SLC25A25: variants seen among roughly 807,000 people sequenced by gnomAD.
The protein encoded by SLC25A25 is mitochondrial adenyl nucleotide antiporter SLC25A25.
A neutral mutation model predicts 57.7 loss-of-function variants in SLC25A25; 32 were observed. That is an observed-to-expected ratio of 0.55 (90% CI 0.42 to 0.74). The LOEUF (loss-of-function observed/expected upper bound fraction) is 0.74. SLC25A25 is among the 30% of genes least tolerant of loss of function. The probability of loss-of-function intolerance (pLI) is 0.00; values close to 1 mark genes in which losing one functional copy is unlikely to be tolerated. For missense variants in SLC25A25, 556 were observed against 701.3 expected, an observed-to-expected ratio of 0.79 and a Z score of 2.34; for synonymous variants, 306 against 291.2, an observed-to-expected ratio of 1.05 and a Z score of -0.52.
chr9:128,107,499 T>C lies in SLC25A25; in HGVS notation c.*55T>C. The C allele has an allele frequency of 6.7e-7, 1 of 1,490,100 alleles. No homozygotes were observed. Among genetic ancestry groups the C allele is most frequent in the Non-Finnish European group, 8.9e-7 (1 of 1,118,204 alleles). The allele number at this position is 1,490,100 out of a possible 1,614,324, so 92.3% of individuals were successfully genotyped here. ...GCTGATCCTGGGCCGCAGCCTGGGG[T>C]GTGCAGCCATCTCATTCTGTGAATG... On this transcript the variant is annotated 3_prime_UTR_variant, in exon 11 of 11. Coordinates refer to ENST00000373069, the MANE Select transcript of SLC25A25 (RefSeq NM_001330988.2).
At position 128,098,847 on chromosome 9, in the gene SLC25A25, T is replaced by C. The variant is rs555810731; in HGVS notation, c.262-2249T>C. 2.3e-4 allele frequency: 353 copies of C among 1,510,966 alleles called. 2 individuals are homozygous for C. Among genetic ancestry groups the C allele is most frequent in the Middle Eastern group, 5.8e-4 (3 of 5,146 alleles). 93.6% of individuals were successfully genotyped at this position (1,510,966 alleles called of 1,614,324 possible). On this transcript the variant is annotated intron_variant, in intron 1 of 10. Transcript: ENST00000373069. ...AAGAATGTCTGAAATGTAGCAGTTTTTTCCCATTGCCATGCGGCTATGGCC... is the reference window on the plus strand; with the variant it reads ...AAGAATGTCTGAAATGTAGCAGTTTCTTCCCATTGCCATGCGGCTATGGCC...
At chr9:128,098,432 A>G in intron 1 of SLC25A25, 1 of 1,400,412 alleles carries the variant, frequency 7.1e-7, no homozygotes, top group East Asian at 2.7e-5. Flanking sequence ...TTTTCAATTA[A>G]GTAAAAGGGC....
intron 1 of SLC25A25, among the ~76,000 whole-genome samples, chr9:128,094,946 A>G (rs1236977336): frequency 1.3e-5 from 2 of 152,224 alleles, no homozygotes; most frequent in East Asian, 3.8e-4. Flanking sequence ...GCTGAAACAG[A>G]TGAGGGTCTG....
intron 1 of SLC25A25, among the ~76,000 whole-genome samples, chr9:128,077,585 A>G (rs1833047246): frequency 6.6e-6 from 1 of 151,756 alleles, no homozygotes; most frequent in Non-Finnish European, 1.5e-5. Flanking sequence ...TCCAGAATGG[A>G]GAAGTCTACA....
intron 1 of SLC25A25, among the ~76,000 whole-genome samples, chr9:128,077,594 CAG>C (rs952135578): frequency 6.6e-6 from 1 of 151,296 alleles, no homozygotes; most frequent in Non-Finnish European, 1.5e-5. Flanking sequence ...GAGAAGTCTA[CAG>C]AGACAGAAAA....
intron 1 of SLC25A25, among the ~76,000 whole-genome samples, chr9:128,074,876 C>G (rs1164261153): frequency 2.0e-5 from 3 of 152,000 alleles, no homozygotes; most frequent in African/African-American, 7.2e-5. Flanking sequence ...TGGGTCACAC[C>G]TGTAATCTCA....
At position 128,101,456 on chromosome 9, in the gene SLC25A25, C is replaced by T; in HGVS notation, c.476+60C>T. The T allele has an allele frequency of 6.4e-7, 1 of 1,570,694 alleles. No individual in the cohort carries two copies. On this transcript the variant is annotated intron_variant, in intron 3 of 10. Transcript: ENST00000373069. The surrounding 1 kb of genome is among the most constrained non-coding windows in gnomAD (Gnocchi z 4.9). ...GTGTGATGAAGGGAAGGCTCTGAGA[C>T]TAACCCTCCGATGCCATTCCCTGGG...
intron 1 of SLC25A25, among the ~76,000 whole-genome samples, chr9:128,087,488 T>A (rs1833304683): frequency 1.3e-5 from 2 of 152,230 alleles, no homozygotes; most frequent in Non-Finnish European, 2.9e-5. Context: ...CTTTTAAGAT[T>A]TCCTCTTTAT....
At chr9:128,079,409 C>CAAAAA (rs375501116) in intron 1 of SLC25A25, among the ~76,000 whole-genome samples, 1 of 59,800 alleles carries the variant, frequency 1.7e-5, no homozygotes, top group Admixed American at 1.9e-4. Flanking sequence ...CTGCTGATGC[C>CAAAAA]AAAAAAAAAA....
chr9:128,090,088 G>A (rs1018393156), intron 1 of SLC25A25, among the ~76,000 whole-genome samples: 2 of 151,884 alleles, frequency 1.3e-5, no homozygotes, highest in African/African-American at 2.4e-5. Flanking sequence ...TGTCCTCCCC[G>A]CCCCACACCC....
In SLC25A25 at chr9:128,098,883, C is replaced by T. The variant is rs533576305; in HGVS notation, c.262-2213C>T. 4 of 985,460 alleles carry T rather than the reference C, an allele frequency of 4.1e-6. No homozygotes were observed. In the South Asian group the frequency reaches 1.4e-4, roughly 35 times the overall value. The allele number at this position is 985,460 out of a possible 1,614,324, so 61.0% of individuals were successfully genotyped here. A position where few individuals can be genotyped will look rare whatever the true frequency, so the allele number is the denominator to read the frequency against. The stretch of plus-strand genomic sequence containing the variant: ...CATGCGGCTATGGCCGGCACGTGTA[C>T]GTCACAGGAGTGACCGGTTTTCATG... On this transcript the variant is annotated intron_variant, in intron 1 of 10. Coordinates refer to ENST00000373069, the MANE Select transcript of SLC25A25 (RefSeq NM_001330988.2).
At chr9:128,076,535 AG>A (rs1833020491) in intron 1 of SLC25A25, among the ~76,000 whole-genome samples, 2 of 148,838 alleles carry the variant, frequency 1.3e-5, no homozygotes, top group Admixed American at 1.4e-4. Flanking sequence ...GCGTGATCTC[AG>A]CTCACTACAA....
At chr9:128,106,070 G>T (rs1834019572) in intron 7 of SLC25A25, 80 bp from the exon 8 acceptor site, 1 of 1,579,044 alleles carries the variant, frequency 6.3e-7, no homozygotes, top group Non-Finnish European at 8.7e-7. Context: ...AAATGTGCCG[G>T]GGACTCCTGG....
Position 128,108,934 on chromosome 9 carries a change from G to A in SLC25A25, c.*1490G>A, listed in dbSNP as rs1435625276. On this transcript the variant is annotated 3_prime_UTR_variant, in exon 11 of 11. Coordinates refer to ENST00000373069, the MANE Select transcript of SLC25A25 (RefSeq NM_001330988.2). ...TATTTCACTCTTTTCTGAATGTCAA[G>A]GCAGTGAGGTGCCTCTCACTGTGAA... is the stretch of plus-strand genomic sequence containing the variant. 2.6e-5 allele frequency: 4 copies of A among 152,120 alleles called. No homozygotes were observed. The highest frequency in any genetic ancestry group is 5.9e-5 in the Non-Finnish European group (4 of 68,020). The allele number at this position is 152,120 out of a possible 1,614,324, so 9.4% of individuals were successfully genotyped here. A position where few individuals can be genotyped will look rare whatever the true frequency, so the allele number is the denominator to read the frequency against.
chr9:128,097,349 T>C (rs1489207219), intron 1 of SLC25A25, among the ~76,000 whole-genome samples: 1 of 152,208 alleles, frequency 6.6e-6, no homozygotes, highest in African/African-American at 2.4e-5. Context: ...CCCAGTGAAG[T>C]TTCCGCTGTG....
chr9:128,076,019 C>T (rs1833003712), intron 1 of SLC25A25, among the ~76,000 whole-genome samples: 1 of 152,134 alleles, frequency 6.6e-6, no homozygotes, highest in Non-Finnish European at 1.5e-5. Flanking sequence ...GCTGGGATTA[C>T]AGACCTAAGC....
In SLC25A25 at chr9:128,106,312, C is replaced by T. The variant is rs764944385; in HGVS notation, c.1045-41C>T. On this transcript the variant is annotated intron_variant, in intron 8 of 10. Coordinates refer to ENST00000373069, the MANE Select transcript of SLC25A25 (RefSeq NM_001330988.2). ...CAGTGGGCACAGGACTGGGGAGAGG[C>T]ACAGGCTGTGCTCACGCGTCCCGCT... The T allele has an allele frequency of 1.9e-6, 3 of 1,613,880 alleles. No homozygotes were observed. In the East Asian group the frequency reaches 6.7e-5, roughly 36 times the overall value.
At chr9:128,083,455 T>C (rs62586933) in intron 1 of SLC25A25, among the ~76,000 whole-genome samples, 111,335 of 150,182 alleles carry the variant, frequency 0.74, 43,124 homozygotes, top group Non-Finnish European at 0.85. Flanking sequence ...TAAAAAGTGT[T>C]ACTACTCTTC....
intron 6 of SLC25A25, among the ~76,000 whole-genome samples, 184 bp downstream of exon 6, chr9:128,104,023 G>A (rs562096109): frequency 6.6e-6 from 1 of 152,184 alleles, no homozygotes; most frequent in Non-Finnish European, 1.5e-5. Context: ...GTGACATTTT[G>A]TGCAGAGCGG....
Sources: allele counts gnomAD v4.1 joint callset (sites outside exome capture counted in the v4.1 genomes callset), GRCh38; gene constraint gnomAD v4.1.1; non-coding constraint Gnocchi (gnomAD v3.1); transcripts MANE v1.5; gene names NCBI Gene and HGNC (gene_info 2026-07-23, HGNC 2026-07-21).